Variants in NXPE2 observed in about 807,000 individuals in gnomAD.
NXPE2 encodes neurexophilin and PC-esterase domain family member 2, also known as NXPE family member 2.
NXPE2 carries 34 observed loss-of-function variants against 34.4 expected under a neutral mutation model. That is an observed-to-expected ratio of 0.99 (90% confidence interval 0.75 to 1.31). NXPE2 has a LOEUF of 1.31. Among genes scored for constraint, NXPE2 ranks in the 40% most tolerant of loss-of-function variants. The pLI, the probability that NXPE2 is intolerant of heterozygous loss-of-function variation, is 0.00. For synonymous variants in NXPE2, 235 were observed against 231.3 expected (o/e 1.02, Z -0.15); for missense variants, 649 against 672.5 (o/e 0.97, Z 0.39).
chr11:114,674,497 G>A (rs1950835564), upstream of NXPE2, among the ~76,000 whole-genome samples: 1 of 151,468 alleles, frequency 6.6e-6, no homozygotes, highest in African/African-American at 2.4e-5. Context: ...TATGTTTTAT[G>A]CAAACCTCAT....
At chr11:114,677,875 G>A (rs965361962), upstream of NXPE2, among the ~76,000 whole-genome samples, 1 of 152,038 alleles carries the variant, frequency 6.6e-6, no homozygotes, top group African/African-American at 2.4e-5. Context: ...GGGCCACCTG[G>A]CAGGTAGTTG....
chr11:114,670,485 G>A, the NXPE2 span, among the ~76,000 whole-genome samples: 1 of 151,870 alleles, frequency 6.6e-6, no homozygotes, highest in South Asian at 2.1e-4. Context: ...CTTGAGGCTA[G>A]GAGTTGGAAA....
At chr11:114,804,323 T>C in the NXPE2 span, among the ~76,000 whole-genome samples, 1 of 152,244 alleles carries the variant, frequency 6.6e-6, no homozygotes, top group Non-Finnish European at 1.5e-5. Context: ...TTTGTCCCTT[T>C]ATAGCCTTCA....
chr11:114,541,026 C>T, the NXPE2 span, among the ~76,000 whole-genome samples: 1 of 151,860 alleles, frequency 6.6e-6, no homozygotes, highest in Non-Finnish European at 1.5e-5. Flanking sequence ...CCCTGAGGCA[C>T]ACCTGTGGGG....
chr11:114,711,266 A>C (rs553411472), downstream of NXPE2, among the ~76,000 whole-genome samples: 15 of 152,218 alleles, frequency 9.9e-5, no homozygotes, highest in East Asian at 2.7e-3. Flanking sequence ...AAAACAAAAA[A>C]ATTTTGTTAT....
the NXPE2 span, among the ~76,000 whole-genome samples, chr11:114,592,047 A>G: frequency 6.6e-6 from 1 of 152,230 alleles, no homozygotes; most frequent in African/African-American, 2.4e-5. Context: ...AAAAACATGT[A>G]TAACAAATCC....
At chr11:114,631,117 G>A in the NXPE2 span, among the ~76,000 whole-genome samples, 4 of 151,948 alleles carry the variant, frequency 2.6e-5, no homozygotes, top group East Asian at 1.9e-4. Flanking sequence ...TCAGTGTGGC[G>A]ATTCTCAGGG....
chr11:114,639,513 A>G, the NXPE2 span, among the ~76,000 whole-genome samples: 1 of 151,444 alleles, frequency 6.6e-6, no homozygotes, highest in African/African-American at 2.4e-5. Flanking sequence ...TAGTGAGATG[A>G]ACCTGGTACC....
chr11:114,630,806 T>C, the NXPE2 span, among the ~76,000 whole-genome samples: 1 of 151,686 alleles, frequency 6.6e-6, no homozygotes, highest in Non-Finnish European at 1.5e-5. Context: ...GAATCTACAA[T>C]GAACTCAAAC....
chr11:114,645,225 C>G, the NXPE2 span, among the ~76,000 whole-genome samples: 10 of 152,040 alleles, frequency 6.6e-5, no homozygotes, highest in African/African-American at 2.4e-4. Context: ...CACTTGAACC[C>G]GAGAGGCAGA....
intron 3 of NXPE2, among the ~76,000 whole-genome samples, chr11:114,700,086 G>A (rs1035579455): frequency 1.3e-5 from 2 of 152,100 alleles, no homozygotes; most frequent in Non-Finnish European, 1.5e-5. Flanking sequence ...GAGCCATCAC[G>A]CCCAGCCCAT....
At chr11:114,644,435 A>G in the NXPE2 span, among the ~76,000 whole-genome samples, 2 of 152,316 alleles carry the variant, frequency 1.3e-5, no homozygotes, top group Admixed American at 1.3e-4. Flanking sequence ...GTCCATCAAT[A>G]CCTAGTTTAT....
At chr11:114,554,163 C>T in the NXPE2 span, 5 of 985,244 alleles carry the variant, frequency 5.1e-6, no homozygotes, top group African/African-American at 3.5e-5. Context: ...GTACAGAGCC[C>T]GCTAGTTGTC....
the NXPE2 span, among the ~76,000 whole-genome samples, chr11:114,772,930 G>T: frequency 6.6e-6 from 1 of 152,068 alleles, no homozygotes; most frequent in Non-Finnish European, 1.5e-5. Flanking sequence ...TTTTCTCCTG[G>T]CATTCCAGGA....
At chr11:114,474,651 G>A in the NXPE2 span, among the ~76,000 whole-genome samples, 2 of 152,100 alleles carry the variant, frequency 1.3e-5, no homozygotes, top group Non-Finnish European at 2.9e-5. Flanking sequence ...AATGGAAGGA[G>A]CAAAATAGGA....
the NXPE2 span, among the ~76,000 whole-genome samples, chr11:114,753,262 A>T: frequency 1.3e-5 from 2 of 152,046 alleles, no homozygotes; most frequent in African/African-American, 4.8e-5. Flanking sequence ...GTGTGCTGGC[A>T]TGCACCTGTA....
the NXPE2 span, among the ~76,000 whole-genome samples, chr11:114,728,296 A>C: frequency 6.6e-6 from 1 of 152,096 alleles, no homozygotes; most frequent in Admixed American, 6.6e-5. Context: ...GCATATTTAC[A>C]GATCTGGGGA....
chr11:114,583,799 A>G, the NXPE2 span: 1 of 439,176 alleles, frequency 2.3e-6, no homozygotes, highest in Non-Finnish European at 4.4e-6. Context: ...TGATGATGGC[A>G]TGGAAGAGGC....
At chr11:114,640,277 T>C in the NXPE2 span, among the ~76,000 whole-genome samples, 1 of 144,042 alleles carries the variant, frequency 6.9e-6, no homozygotes, top group African/African-American at 2.5e-5. Context: ...TAATATATAA[T>C]ACATTATTTT....
Sources: allele counts gnomAD v4.1 joint callset (sites outside exome capture counted in the v4.1 genomes callset), GRCh38; gene constraint gnomAD v4.1.1; transcripts MANE v1.5; gene names NCBI Gene and HGNC (gene_info 2026-07-23, HGNC 2026-07-21).